KRIT1: variants seen among roughly 807,000 people sequenced by gnomAD.
KRIT1 encodes the protein krev interaction trapped protein 1.
A neutral mutation model predicts 95.8 loss-of-function variants in KRIT1; 45 were observed. The observed-to-expected ratio is 0.47, with a 90% confidence interval of 0.37 to 0.60. The LOEUF (loss-of-function observed/expected upper bound fraction) is 0.60, where lower values mean the gene tolerates loss of function less well. Among genes scored for constraint, KRIT1 ranks in the 20% least tolerant of loss-of-function variants. The pLI, the probability that KRIT1 is intolerant of heterozygous loss-of-function variation, is 0.00. For missense variants in KRIT1, 788 were observed against 877.5 expected (o/e 0.90, Z 1.29); for synonymous variants, 282 against 278.8 (o/e 1.01, Z -0.11).
intron 10 of KRIT1, among the ~76,000 whole-genome samples, chr7:92,230,607 AAAG>A (rs1797080027): frequency 6.6e-6 from 1 of 152,194 alleles, no homozygotes; most frequent in Non-Finnish European, 1.5e-5. Flanking sequence ...ATGGTAGCTA[AAAG>A]AAGTAGGTTC....
At position 92,237,651 on chromosome 7, in the gene KRIT1, T is replaced by G; in HGVS notation, c.355+16A>C. ...CTAAAGTATATAAAGATTTGTAAGA[T>G]ACATTTAGACTTTACCTTTGACAAC... is the stretch of plus-strand genomic sequence containing the variant. On this transcript the variant is annotated intron_variant, in intron 6 of 18. Coordinates refer to ENST00000394505, the MANE Select transcript of KRIT1 (RefSeq NM_194454.3). 6.9e-6 allele frequency: 10 copies of G among 1,446,338 alleles called. No homozygotes were observed. Among genetic ancestry groups the G allele is most frequent in the Non-Finnish European group, 9.7e-6 (10 of 1,027,488 alleles). The allele number at this position is 1,446,338 out of a possible 1,614,324, so 89.6% of individuals were successfully genotyped here.
At chr7:92,210,800 A>G (rs2131271699) in intron 17 of KRIT1, among the ~76,000 whole-genome samples, 1 of 152,388 alleles carries the variant, frequency 6.6e-6, no homozygotes, top group East Asian at 1.9e-4. Flanking sequence ...AGGGACTAAT[A>G]TCCAAAATTT....
chr7:92,202,557 A>T (rs191973843), intron 17 of KRIT1, among the ~76,000 whole-genome samples: 26 of 152,324 alleles, frequency 1.7e-4, no homozygotes, highest in Non-Finnish European at 2.1e-4. Context: ...CAGTTTCTAT[A>T]AATACCAATT....
chr7:92,209,300 AC>A (rs1792260139), intron 17 of KRIT1, among the ~76,000 whole-genome samples: 1 of 152,182 alleles, frequency 6.6e-6, no homozygotes, highest in Non-Finnish European at 1.5e-5. Flanking sequence ...AGACAAGGAT[AC>A]CCCACTTTCA....
chr7:92,199,793 G>A lies in KRIT1; in HGVS notation c.*943C>T, dbSNP rs1355017356. ...ACAAAACCAAATTTAAGTTCACAAG[G>A]CCATGCTACTTCCAGAGAGTGAATG... On this transcript the variant is annotated 3_prime_UTR_variant, in exon 19 of 19. Coordinates refer to ENST00000394505, the MANE Select transcript of KRIT1 (RefSeq NM_194454.3). 1 of 152,134 alleles carries A rather than the reference G, an allele frequency of 6.6e-6. No individual in the cohort carries two copies. The highest frequency in any genetic ancestry group is 1.5e-5 in the Non-Finnish European group (1 of 68,014). 9.4% of individuals were successfully genotyped at this position (152,134 alleles called of 1,614,324 possible). A position where few individuals can be genotyped will look rare whatever the true frequency, so the allele number is the denominator to read the frequency against.
rs571688551 is a variant in KRIT1 at position 92,213,967 on chromosome 7, T to C, written c.1743A>G (p.Leu581=). 1.9e-6 allele frequency: 3 copies of C among 1,604,340 alleles called. No individual in the cohort carries two copies. The highest frequency in any genetic ancestry group is 2.2e-5 in the South Asian group (2 of 90,870). The change falls in exon 16 of 19, where the codon CTA becomes CTG. Residue 581 remains leucine (L), a synonymous_variant. Transcript: ENST00000394505. ...GTTTGGTAACAGGTACGATGGATTT[T>C]AGATTTTCTTCACTGTAAGCACACA... ...HKQGFLNEEN[L]KSIVPVTKLK... is the part of the protein sequence containing the mutation.
intron 14 of KRIT1, among the ~76,000 whole-genome samples, chr7:92,218,761 ATT>A (rs1426057846): frequency 1.3e-5 from 2 of 151,988 alleles, no homozygotes; most frequent in African/African-American, 2.4e-5. Context: ...CTTATCTATG[ATT>A]TGCTAATATT....
chr7:92,207,888 T>C (rs550754329), intron 17 of KRIT1, among the ~76,000 whole-genome samples: 1 of 152,106 alleles, frequency 6.6e-6, no homozygotes, highest in African/African-American at 2.4e-5. Context: ...AATAAATAAA[T>C]AAATGGATCT....
chr7:92,243,139 C>T (rs911150236), intron 3 of KRIT1, among the ~76,000 whole-genome samples: 1 of 152,022 alleles, frequency 6.6e-6, no homozygotes, highest in African/African-American at 2.4e-5. Context: ...ATTTTTTATT[C>T]CAAATATATT....
intron 10 of KRIT1, among the ~76,000 whole-genome samples, chr7:92,229,698 T>C (rs1269883536): frequency 6.6e-6 from 1 of 152,366 alleles, no homozygotes; most frequent in South Asian, 2.1e-4. Context: ...ATTCCCACTA[T>C]GTTTTAGCAT....
chr7:92,205,079 G>A (rs1791123200), intron 17 of KRIT1, among the ~76,000 whole-genome samples: 1 of 152,196 alleles, frequency 6.6e-6, no homozygotes, highest in Non-Finnish European at 1.5e-5. Context: ...GAGCACGGTG[G>A]CTCATACCTG....
At chr7:92,199,119 A>T (rs1259718033), downstream of KRIT1, 1 of 152,222 alleles carries the variant, frequency 6.6e-6, no homozygotes, top group Non-Finnish European at 1.5e-5. Flanking sequence ...TTCAGAAAAG[A>T]AGTTGAGGCT....
chr7:92,245,692 C>A (rs955348611), intron 1 of KRIT1, 98 bp downstream of exon 1: 14 of 152,444 alleles, frequency 9.2e-5, no homozygotes, highest in African/African-American at 3.4e-4. Flanking sequence ...GCAGAAAAAC[C>A]CTCAGTCGCC....
At chr7:92,230,376 T>C (rs908030073) in intron 10 of KRIT1, among the ~76,000 whole-genome samples, 4 of 152,302 alleles carry the variant, frequency 2.6e-5, no homozygotes, top group Non-Finnish European at 4.4e-5. Flanking sequence ...ATATCAATAA[T>C]ACCTTGCATT....
At chr7:92,208,476 C>T (rs1016829268) in intron 17 of KRIT1, among the ~76,000 whole-genome samples, 3 of 151,674 alleles carry the variant, frequency 2.0e-5, no homozygotes, top group Non-Finnish European at 4.4e-5. Flanking sequence ...GGTAGACTAA[C>T]CAAGAGAGAA....
chr7:92,232,003 T>C (rs1424558286), intron 10 of KRIT1, among the ~76,000 whole-genome samples: 9 of 152,112 alleles, frequency 5.9e-5, no homozygotes, highest in Non-Finnish European at 1.3e-4. Context: ...GGGATCTCAG[T>C]ACACTGCAAC....
intron 5 of KRIT1, among the ~76,000 whole-genome samples, chr7:92,238,766 C>G (rs1271010782): frequency 6.6e-6 from 1 of 152,174 alleles, no homozygotes; most frequent in Non-Finnish European, 1.5e-5. Flanking sequence ...GAAGCACTGA[C>G]AAGTTAGGAG....
Position 92,201,304 on chromosome 7 carries a change from T to TA in KRIT1, c.2142+2dup, listed in dbSNP as rs1462431994. The stretch of plus-strand genomic sequence containing the variant: ...TATGAAGTCCAAAATAAATGATACT[T>TA]ACCTGTTTTGTATGTACTATAAAGC... On this transcript the variant is annotated splice_region_variant and intron_variant, in intron 18 of 18. Transcript: ENST00000394505. The TA allele has an allele frequency of 1.6e-6, 2 of 1,260,306 alleles. No individual in the cohort carries two copies. Among genetic ancestry groups the TA allele is most frequent in the Non-Finnish European group, 2.3e-6 (2 of 857,790 alleles). The allele number at this position is 1,260,306 out of a possible 1,614,324, so 78.1% of individuals were successfully genotyped here. A position where few individuals can be genotyped will look rare whatever the true frequency, so the allele number is the denominator to read the frequency against.
chr7:92,200,625 T>C lies in KRIT1; in HGVS notation c.*111A>G. ...CCCCAGCCTCCCAAAGTGCTGGAAT[T>C]ACAGGGGTGAGCCACCATGCTCGGC... On this transcript the variant is annotated 3_prime_UTR_variant, in exon 19 of 19. Transcript: ENST00000394505. 1 of 757,332 alleles carries C rather than the reference T, an allele frequency of 1.3e-6. No homozygotes were observed. The highest frequency in any genetic ancestry group is 2.4e-6 in the Non-Finnish European group (1 of 424,486). The allele number at this position is 757,332 out of a possible 1,614,324, so 46.9% of individuals were successfully genotyped here. A position where few individuals can be genotyped will look rare whatever the true frequency, so the allele number is the denominator to read the frequency against.
Sources: allele counts gnomAD v4.1 joint callset (sites outside exome capture counted in the v4.1 genomes callset), GRCh38; gene constraint gnomAD v4.1.1; transcripts MANE v1.5; gene names NCBI Gene and HGNC (gene_info 2026-07-23, HGNC 2026-07-21).